KLHL14: variants seen among roughly 807,000 people sequenced by gnomAD.
KLHL14 encodes kelch-like protein 14.
Under a neutral mutation model 64.3 loss-of-function variants are expected in KLHL14, and 22 were observed. That is an observed-to-expected ratio of 0.34 (90% CI 0.24 to 0.49). KLHL14 has a LOEUF of 0.49. KLHL14 is among the 20% of genes least tolerant of loss of function. KLHL14 has a pLI of 0.99. For missense variants in KLHL14, 661 were observed against 789.0 expected, an observed-to-expected ratio of 0.84 and a Z score of 1.94; for synonymous variants, 322 against 333.4, an observed-to-expected ratio of 0.97 and a Z score of 0.37.
chr18:32,709,891 A>G (rs1000522984), intron 3 of KLHL14, among the ~76,000 whole-genome samples: 2 of 152,234 alleles, frequency 1.3e-5, no homozygotes, highest in African/African-American at 4.8e-5. Flanking sequence ...TTAAATAGAG[A>G]AAGTGAAACA....
intron 2 of KLHL14, among the ~76,000 whole-genome samples, chr18:32,759,697 TTCTC>T (rs140880053): frequency 3.0e-4 from 45 of 148,288 alleles, no homozygotes; most frequent in East Asian, 1.6e-3. Context: ...CATTATAACC[TTCTC>T]TCTCTCTCTC....
At chr18:32,682,335 A>G (rs2049844156) in intron 5 of KLHL14, among the ~76,000 whole-genome samples, 1 of 152,198 alleles carries the variant, frequency 6.6e-6, no homozygotes, top group Non-Finnish European at 1.5e-5. Flanking sequence ...GCCTTGGAAA[A>G]TTCAGAAAGA....
chr18:32,750,477 G>A (rs913110053), intron 2 of KLHL14, among the ~76,000 whole-genome samples: 3 of 152,134 alleles, frequency 2.0e-5, no homozygotes, highest in East Asian at 1.9e-4. Flanking sequence ...GATACCATAT[G>A]TTACACTGTA....
chr18:32,687,934 G>T (rs1219073800), intron 4 of KLHL14, among the ~76,000 whole-genome samples: 2 of 152,114 alleles, frequency 1.3e-5, no homozygotes, highest in Non-Finnish European at 2.9e-5. Context: ...GTGTGTATTT[G>T]GGGGGAGCAC....
At chr18:32,678,492 C>CAG (rs1403064974) in intron 7 of KLHL14, among the ~76,000 whole-genome samples, 1 of 152,112 alleles carries the variant, frequency 6.6e-6, no homozygotes, top group Non-Finnish European at 1.5e-5. Context: ...ACTGCAACAC[C>CAG]AGAGTATATT....
chr18:32,770,288 C>G lies in KLHL14; in HGVS notation c.304G>C (p.Glu102Gln). Residue 102 changes from glutamate to glutamine, a missense_variant, in exon 2 of 9, where the codon GAG becomes CAG. Coordinates refer to ENST00000359358, the MANE Select transcript of KLHL14 (RefSeq NM_020805.3). The surrounding 1 kb of genome is among the most constrained non-coding windows in gnomAD (Gnocchi z 6.7). ...GAGGAAGAAGGAGTCCCGGGCTCCT[C>G]CTGCGGCGGCGGCTGCTGCTGCTGT... Reference protein sequence around the residue: ...PSQQQQPPPQEEPGTPSSSPD... With the variant: ...PSQQQQPPPQQEPGTPSSSPD... 6.3e-7 allele frequency: 1 copy of G among 1,588,162 alleles called. No individual in the cohort carries two copies. Among genetic ancestry groups the G allele is most frequent in the Non-Finnish European group, 8.6e-7 (1 of 1,166,886 alleles).
At chr18:32,697,729 C>G (rs1405913743) in intron 3 of KLHL14, among the ~76,000 whole-genome samples, 1 of 152,102 alleles carries the variant, frequency 6.6e-6, no homozygotes. Flanking sequence ...TATTTTTAAG[C>G]CTCTTTTTCA....
In KLHL14 at chr18:32,683,622, C is replaced by T. The variant is rs1431012769; in HGVS notation, c.1239-3023G>A. 6.6e-6 allele frequency among the ~76,000 whole-genome samples: 1 copy of T among 152,152 alleles called. No homozygotes were observed. The highest frequency in any genetic ancestry group is 1.5e-5 in the Non-Finnish European group (1 of 68,022). On this transcript the variant is annotated intron_variant, in intron 5 of 8. Coordinates refer to ENST00000359358, the MANE Select transcript of KLHL14 (RefSeq NM_020805.3). This position sits in a 1 kb window ranked among gnomAD's most constrained non-coding sequence, Gnocchi z 4.2. ...TTTCTGTTTCAAATTGTTCATCTCTCCCTCCTTCAGCCTCCCCTGCCCCCA... is the reference window on the plus strand; with the variant it reads ...TTTCTGTTTCAAATTGTTCATCTCTTCCTCCTTCAGCCTCCCCTGCCCCCA...
At chr18:32,675,521 G>T (rs537521793) in intron 8 of KLHL14, among the ~76,000 whole-genome samples, 1 of 152,144 alleles carries the variant, frequency 6.6e-6, no homozygotes, top group African/African-American at 2.4e-5. Flanking sequence ...AAGAATCAGA[G>T]CTAGGATTGA....
intron 3 of KLHL14, among the ~76,000 whole-genome samples, chr18:32,716,454 G>A (rs539101068): frequency 6.0e-5 from 9 of 150,260 alleles, no homozygotes; most frequent in Non-Finnish European, 1.2e-4. Context: ...CGCTCTTGTC[G>A]CCCAGGCTGG....
chr18:32,710,577 G>A (rs9954196), intron 3 of KLHL14, among the ~76,000 whole-genome samples: 44,686 of 151,974 alleles, frequency 0.29, 6,820 homozygotes, highest in African/African-American at 0.37. Flanking sequence ...AAGCATCTCT[G>A]CCAGGAGCAC....
intron 2 of KLHL14, among the ~76,000 whole-genome samples, chr18:32,748,515 GC>G (rs2050235607): frequency 6.6e-6 from 1 of 152,026 alleles, no homozygotes; most frequent in Admixed American, 6.5e-5. Context: ...GACTACAGGC[GC>G]CCGCCATCAC....
At chr18:32,758,809 A>T (rs1236434863) in intron 2 of KLHL14, among the ~76,000 whole-genome samples, 2 of 152,186 alleles carry the variant, frequency 1.3e-5, no homozygotes, top group African/African-American at 4.8e-5. Flanking sequence ...TTGCAAATAC[A>T]CTACATGAAA....
At chr18:32,693,710 C>A (rs2049923303) in intron 4 of KLHL14, among the ~76,000 whole-genome samples, 2 of 152,148 alleles carry the variant, frequency 1.3e-5, no homozygotes, top group Admixed American at 1.3e-4. Context: ...CCGTTGTGTG[C>A]TGTTTCTAGT....
intron 5 of KLHL14, among the ~76,000 whole-genome samples, chr18:32,684,824 T>A (rs1245677464): frequency 6.6e-6 from 1 of 151,786 alleles, no homozygotes; most frequent in Non-Finnish European, 1.5e-5. Flanking sequence ...AAACCACCAA[T>A]TAATCTACAC....
At chr18:32,728,816 C>T (rs1209785590) in intron 3 of KLHL14, among the ~76,000 whole-genome samples, 1 of 151,970 alleles carries the variant, frequency 6.6e-6, no homozygotes, top group Non-Finnish European at 1.5e-5. Flanking sequence ...GGGGAAGAAA[C>T]CCATGTGAAG....
intron 2 of KLHL14, among the ~76,000 whole-genome samples, chr18:32,760,654 C>T (rs2050309745): frequency 6.6e-6 from 1 of 152,144 alleles, no homozygotes; most frequent in Admixed American, 6.5e-5. Context: ...ATTTACCAAC[C>T]CCTCACAGGC....
chr18:32,769,081 G>A (rs2050362418), intron 2 of KLHL14, among the ~76,000 whole-genome samples: 1 of 152,180 alleles, frequency 6.6e-6, no homozygotes, highest in South Asian at 2.1e-4. Context: ...AATAGACAAA[G>A]CATTTTGGAG....
chr18:32,771,595 G>T (rs2050385343), intron 1 of KLHL14, among the ~76,000 whole-genome samples: 1 of 152,092 alleles, frequency 6.6e-6, no homozygotes, highest in Admixed American at 6.5e-5. Context: ...CTTCCAGCGA[G>T]GGGCGGCACC....
Sources: allele counts gnomAD v4.1 joint callset (sites outside exome capture counted in the v4.1 genomes callset), GRCh38; gene constraint gnomAD v4.1.1; non-coding constraint Gnocchi (gnomAD v3.1); transcripts MANE v1.5; gene names NCBI Gene and HGNC (gene_info 2026-07-23, HGNC 2026-07-21).